LARP1B: variants seen among roughly 807,000 people sequenced by gnomAD.
LARP1B encodes La ribonucleoprotein 1B, also known as la-related protein 1B.
LARP1B carries 76 observed loss-of-function variants against 114.2 expected under a neutral mutation model. The observed-to-expected ratio is 0.67, with a 90% CI of 0.55 to 0.81. The LOEUF (loss-of-function observed/expected upper bound fraction) is 0.81, where lower values mean the gene tolerates loss of function less well. Among genes scored for constraint, LARP1B ranks in the 30% least tolerant of loss-of-function variants. The pLI, the probability that LARP1B is intolerant of heterozygous loss-of-function variation, is 0.00. For missense variants in LARP1B, 1,014 were observed against 1,075.8 expected, an observed-to-expected ratio of 0.94 and a Z score of 0.80; for synonymous variants, 345 against 348.0, an observed-to-expected ratio of 0.99 and a Z score of 0.10.
intron 11 of LARP1B, among the ~76,000 whole-genome samples, chr4:128,128,916 G>C (rs1353998627): frequency 6.6e-6 from 1 of 152,072 alleles, no homozygotes; most frequent in Non-Finnish European, 1.5e-5. Context: ...TGTAATCCCA[G>C]CACTTTGGGA....
chr4:128,092,472 CT>C (rs1776255646), intron 7 of LARP1B, among the ~76,000 whole-genome samples: 1 of 152,046 alleles, frequency 6.6e-6, no homozygotes, highest in South Asian at 2.1e-4. Flanking sequence ...GGATATTTTG[CT>C]TATTTATATA....
chr4:128,219,785 T>TA (rs1370659038), intron 6 of LARP1B, among the ~76,000 whole-genome samples: 2 of 147,998 alleles, frequency 1.4e-5, no homozygotes, highest in Non-Finnish European at 3.0e-5. Flanking sequence ...CCCTAAAACT[T>TA]AAAGTATAAT....
intron 5 of LARP1B, among the ~76,000 whole-genome samples, chr4:128,086,875 A>G (rs1259997783): frequency 6.6e-6 from 1 of 151,800 alleles, no homozygotes; most frequent in African/African-American, 2.4e-5. Flanking sequence ...ATTTTGGCTC[A>G]CTGCCTTCCA....
At chr4:128,136,147 G>C (rs767239442) in intron 11 of LARP1B, among the ~76,000 whole-genome samples, 17 of 151,976 alleles carry the variant, frequency 1.1e-4, no homozygotes, top group Middle Eastern at 3.4e-3. Flanking sequence ...ACAAAAATTA[G>C]CTGGGTGTGG....
At chr4:128,109,192 A>G (rs911423509) in intron 9 of LARP1B, among the ~76,000 whole-genome samples, 8 of 152,162 alleles carry the variant, frequency 5.3e-5, no homozygotes, top group African/African-American at 1.9e-4. Context: ...CTTTAAGTCA[A>G]TGGAGAGTAG....
intron 1 of LARP1B, among the ~76,000 whole-genome samples, 165 bp from the exon 2 acceptor site, chr4:128,074,295 A>G (rs1173277050): frequency 6.6e-6 from 1 of 152,162 alleles, no homozygotes; most frequent in African/African-American, 2.4e-5. Flanking sequence ...CCTTGAATCT[A>G]TGTGTCAAAT....
intron 1 of LARP1B, among the ~76,000 whole-genome samples, chr4:128,065,327 C>CCTTTCTTTTCTTTTCTTT (rs1561012881): frequency 6.4e-4 from 72 of 113,326 alleles, no homozygotes; most frequent in Middle Eastern, 5.3e-3. Flanking sequence ...CTCTCTCTCT[C>CCTTTCTTTTCTTTTCTTT]TCTCTTTCCT....
intron 17 of LARP1B, among the ~76,000 whole-genome samples, chr4:128,201,183 C>A (rs181633056): frequency 6.6e-6 from 1 of 152,262 alleles, no homozygotes; most frequent in East Asian, 1.9e-4. Flanking sequence ...TTTTATACAA[C>A]CTGCACTTGG....
At chr4:128,118,326 G>T (rs1786701297) in intron 10 of LARP1B, among the ~76,000 whole-genome samples, 1 of 149,944 alleles carries the variant, frequency 6.7e-6, no homozygotes, top group East Asian at 2.0e-4. Context: ...TCACCTCCCG[G>T]GTTCATGCCA....
At chr4:128,122,790 T>G (rs1365075492) in intron 11 of LARP1B, 2 of 1,132,062 alleles carry the variant, frequency 1.8e-6, no homozygotes, top group African/African-American at 1.6e-5. Flanking sequence ...TTTAACTTCT[T>G]GCATTTCATC....
Position 128,207,355 on chromosome 4 carries a change from T to G in LARP1B, c.2519T>G (p.Phe840Cys). 1 of 1,546,676 alleles carries G rather than the reference T, an allele frequency of 6.5e-7. No individual in the cohort carries two copies. The highest frequency in any genetic ancestry group is 1.3e-5 in the South Asian group (1 of 77,450). The change falls in exon 19 of 20, where the codon TTT becomes TGT. Residue 840 changes from phenylalanine (F) to cysteine (C), a missense_variant. Phe to Cys is a radical substitution (Grantham distance 205, BLOSUM62 -2). Coordinates refer to ENST00000326639, the MANE Select transcript of LARP1B (RefSeq NM_018078.4). ...DPKLQEYLCSFKRLEDFRVDP... is the reference protein window; with the variant it reads ...DPKLQEYLCSCKRLEDFRVDP... ...AAACTTCAGGAATACCTCTGTAGTTTTAAGAGGTTAGAAGACTTCCGTGTT... is the reference window on the plus strand; with the variant it reads ...AAACTTCAGGAATACCTCTGTAGTTGTAAGAGGTTAGAAGACTTCCGTGTT...
intron 1 of LARP1B, among the ~76,000 whole-genome samples, chr4:128,063,427 C>CAA (rs763868048): frequency 0.029 from 380 of 13,184 alleles, 44 homozygotes; most frequent in African/African-American, 0.057. Context: ...GACCCACTCT[C>CAA]AAAAAAAAAA....
Position 128,082,188 on chromosome 4 carries a change from C to T in LARP1B, c.241C>T (p.Leu81Phe). Reference protein sequence around the residue: ...KRANKHKWVPLHLDVVRSESQ... With the variant: ...KRANKHKWVPFHLDVVRSESQ... ...AGCTAATAAGCACAAGTGGGTACCACTCCACTTAGATGTTGTAAGATCAGA... is the reference window on the plus strand; with the variant it reads ...AGCTAATAAGCACAAGTGGGTACCATTCCACTTAGATGTTGTAAGATCAGA... Residue 81 changes from leucine (L) to phenylalanine (F), a missense_variant, in exon 5 of 20, where the codon CTC (leucine) becomes TTC (phenylalanine). Leu to Phe is a conservative substitution (Grantham distance 22). Transcript: ENST00000326639. The T allele has an allele frequency of 6.2e-7, 1 of 1,612,032 alleles. No homozygotes were observed. The highest frequency in any genetic ancestry group is 1.1e-5 in the South Asian group (1 of 90,994).
At chr4:128,139,922 A>G (rs2150196268) in intron 11 of LARP1B, among the ~76,000 whole-genome samples, 1 of 152,322 alleles carries the variant, frequency 6.6e-6, no homozygotes, top group South Asian at 2.1e-4. Context: ...ATGATCCACC[A>G]TTTCCACTCA....
chr4:128,088,677 A>G (rs1419144660), intron 5 of LARP1B, among the ~76,000 whole-genome samples: 1 of 152,232 alleles, frequency 6.6e-6, no homozygotes, highest in African/African-American at 2.4e-5. Context: ...ATATTGGTTC[A>G]TGATCAGGTT....
intron 11 of LARP1B, among the ~76,000 whole-genome samples, chr4:128,126,040 T>G (rs1011504342): frequency 6.6e-6 from 1 of 151,744 alleles, no homozygotes; most frequent in African/African-American, 2.4e-5. Context: ...GTGAATAATC[T>G]AACAAGAAAG....
intron 12 of LARP1B, among the ~76,000 whole-genome samples, chr4:128,166,536 C>G (rs1458319769): frequency 6.6e-6 from 1 of 151,676 alleles, no homozygotes; most frequent in East Asian, 1.9e-4. Flanking sequence ...AATAGTTAAG[C>G]AAATGAACAT....
chr4:128,093,142 A>G, intron 7 of LARP1B: 1 of 514,296 alleles, frequency 1.9e-6, no homozygotes, highest in African/African-American at 2.1e-5. Flanking sequence ...AAATGTTAGT[A>G]GAGCACTAGG....
intron 5 of LARP1B, among the ~76,000 whole-genome samples, chr4:128,083,468 C>T (rs190296221): frequency 0.017 from 2,528 of 149,516 alleles, 61 homozygotes; most frequent in East Asian, 0.098. Flanking sequence ...ACCTCCCTCC[C>T]GGACGGAGAG....
Sources: allele counts gnomAD v4.1 joint callset (sites outside exome capture counted in the v4.1 genomes callset), GRCh38; gene constraint gnomAD v4.1.1; transcripts MANE v1.5; gene names NCBI Gene and HGNC (gene_info 2026-07-23, HGNC 2026-07-21).